Variants in FGF7 observed in about 807,000 individuals in gnomAD.
FGF7 encodes FGF-7.
A neutral mutation model predicts 20.5 loss-of-function variants in FGF7; 6 were observed. The ratio of observed to expected loss-of-function variants is 0.29; its 90% CI spans 0.16 to 0.58. The LOEUF is 0.58. FGF7 is among the 20% of genes least tolerant of loss of function. The pLI is 0.90. For synonymous variants in FGF7, 64 were observed against 74.7 expected, an observed-to-expected ratio of 0.86 and a Z score of 0.74; for missense variants, 144 against 228.8, an observed-to-expected ratio of 0.63 and a Z score of 2.39.
chr15:49,459,134 T>C (rs2053570247), intron 2 of FGF7, among the ~76,000 whole-genome samples: 1 of 152,208 alleles, frequency 6.6e-6, no homozygotes, highest in South Asian at 2.1e-4. Context: ...TTCAAAATGC[T>C]TTGAATCTTT....
intron 2 of FGF7, among the ~76,000 whole-genome samples, chr15:49,474,827 G>A (rs1195974473): frequency 6.6e-6 from 1 of 152,066 alleles, no homozygotes; most frequent in Non-Finnish European, 1.5e-5. Context: ...TGCTCCGTAC[G>A]AAAATCTCAC....
At chr15:49,429,695 C>T (rs1380116846) in intron 2 of FGF7, among the ~76,000 whole-genome samples, 1 of 151,856 alleles carries the variant, frequency 6.6e-6, no homozygotes, top group East Asian at 1.9e-4. Flanking sequence ...TTTCCACCCA[C>T]AAAAAATTTT....
At chr15:49,478,694 T>A (rs896117659) in intron 2 of FGF7, among the ~76,000 whole-genome samples, 14 of 152,178 alleles carry the variant, frequency 9.2e-5, no homozygotes, top group African/African-American at 3.4e-4. Context: ...TATTTAGTTA[T>A]CATGCTAGCA....
At chr15:49,474,861 A>G (rs902508899) in intron 2 of FGF7, among the ~76,000 whole-genome samples, 7 of 152,132 alleles carry the variant, frequency 4.6e-5, no homozygotes, top group Non-Finnish European at 7.4e-5. Context: ...TTTGAAGTGG[A>G]ACAGTTTCAT....
chr15:49,465,896 G>C (rs1204304440), intron 2 of FGF7, among the ~76,000 whole-genome samples: 1 of 152,012 alleles, frequency 6.6e-6, no homozygotes, highest in East Asian at 1.9e-4. Flanking sequence ...ACTTAATATG[G>C]TGTTTTTGTC....
chr15:49,470,245 T>TAACGCTGGG (rs138845822), intron 2 of FGF7, among the ~76,000 whole-genome samples: 3 of 151,548 alleles, frequency 2.0e-5, no homozygotes, highest in Admixed American at 1.3e-4. Context: ...TATAATTCTT[T>TAACGCTGGG]AACACTGGGA....
At chr15:49,455,569 G>A (rs1024790845) in intron 2 of FGF7, among the ~76,000 whole-genome samples, 5 of 152,046 alleles carry the variant, frequency 3.3e-5, no homozygotes, top group East Asian at 1.9e-4. Flanking sequence ...TAGGTCCATC[G>A]TCAGTTATAA....
intron 2 of FGF7, among the ~76,000 whole-genome samples, chr15:49,461,830 T>G (rs2053824326): frequency 6.6e-6 from 1 of 152,222 alleles, no homozygotes; most frequent in African/African-American, 2.4e-5. Flanking sequence ...AAGCTCTCTA[T>G]CTACATATGG....
Position 49,438,106 on chromosome 15 carries a change from C to A in FGF7, c.286+13523C>A, listed in dbSNP as rs567431531. Among the ~76,000 whole-genome samples, 30 of 151,456 alleles carry A rather than the reference C, an allele frequency of 2.0e-4. No homozygotes were observed. The South Asian group carries it at 6.0e-3, about 31-fold the overall frequency. Reference sequence around the variant, plus strand: ...TATGGGAATTAGTGTTTCAGGAGTACCAAGTTCAAGATAGGAAGTAGGAAG... The same window carrying A: ...TATGGGAATTAGTGTTTCAGGAGTAACAAGTTCAAGATAGGAAGTAGGAAG... On this transcript the variant is annotated intron_variant, in intron 2 of 3. Coordinates refer to ENST00000267843, the MANE Select transcript of FGF7 (RefSeq NM_002009.4).
At chr15:49,483,628 A>G (rs1412345655) in intron 3 of FGF7, among the ~76,000 whole-genome samples, 3 of 152,044 alleles carry the variant, frequency 2.0e-5, no homozygotes, top group South Asian at 4.1e-4. Context: ...AATTCTTGGG[A>G]AAAAATCTTG....
At chr15:49,459,572 CTT>C (rs1032305025) in intron 2 of FGF7, among the ~76,000 whole-genome samples, 9 of 152,034 alleles carry the variant, frequency 5.9e-5, no homozygotes, top group African/African-American at 7.2e-5. Context: ...TTAAAGTCCT[CTT>C]GTTTTATCTC....
intron 2 of FGF7, among the ~76,000 whole-genome samples, chr15:49,469,924 C>G (rs1043733256): frequency 2.0e-5 from 3 of 152,082 alleles, no homozygotes; most frequent in African/African-American, 7.2e-5. Flanking sequence ...AAATCCACAT[C>G]AAACCAAAGA....
intron 2 of FGF7, among the ~76,000 whole-genome samples, chr15:49,445,697 T>G (rs1035282632): frequency 1.3e-5 from 2 of 151,558 alleles, no homozygotes; most frequent in Non-Finnish European, 3.0e-5. Flanking sequence ...GAAAAGTATA[T>G]GATCCATCAA....
chr15:49,465,233 G>A (rs951740646), intron 2 of FGF7, among the ~76,000 whole-genome samples: 6 of 151,746 alleles, frequency 4.0e-5, no homozygotes, highest in South Asian at 2.1e-4. Flanking sequence ...AGGTTAAAGC[G>A]ATTCTCCTGC....
chr15:49,476,983 C>A (rs2151991704), intron 2 of FGF7, among the ~76,000 whole-genome samples: 1 of 151,456 alleles, frequency 6.6e-6, no homozygotes, highest in Middle Eastern at 3.4e-3. Flanking sequence ...TGGTGCAAAC[C>A]TGGGAGGCGG....
chr15:49,482,557 C>T (rs12437460), intron 2 of FGF7, among the ~76,000 whole-genome samples: 49,278 of 151,628 alleles, frequency 0.32, 8,721 homozygotes, highest in African/African-American at 0.45. Context: ...TATTCAAGAG[C>T]TATTCTGTTG....
In FGF7 at chr15:49,485,332, A is replaced by G. The variant is rs1371766516; in HGVS notation, c.*828A>G. ...TTCAAGTAACATAATCTATCTTTGT[A>G]TAATTCATATTTGGGAATATGGCTT... is the stretch of plus-strand genomic sequence containing the variant. On this transcript the variant is annotated 3_prime_UTR_variant, in exon 4 of 4. Transcript: ENST00000267843. 2.0e-5 allele frequency: 3 copies of G among 152,438 alleles called. No individual in the cohort carries two copies. Among genetic ancestry groups the G allele is most frequent in the Non-Finnish European group, 4.4e-5 (3 of 67,958 alleles). 9.4% of individuals were successfully genotyped at this position (152,438 alleles called of 1,614,324 possible).
intron 2 of FGF7, among the ~76,000 whole-genome samples, chr15:49,475,094 G>T (rs1326141906): frequency 6.6e-6 from 1 of 152,016 alleles, no homozygotes; most frequent in South Asian, 2.1e-4. Flanking sequence ...CTATAGAATT[G>T]GTTACACAAA....
Position 49,424,537 on chromosome 15 carries a change from T to C in FGF7, c.240T>C (p.Asp80=), listed in dbSNP as rs774091678. The C allele has an allele frequency of 1.0e-5, 16 of 1,606,858 alleles. No homozygotes were observed. The highest frequency in any genetic ancestry group is 1.4e-5 in the Non-Finnish European group (16 of 1,175,302). Residue 80 remains aspartate, a synonymous_variant, in exon 2 of 4, where the codon GAT becomes GAC. Coordinates refer to ENST00000267843, the MANE Select transcript of FGF7 (RefSeq NM_002009.4). ...GAACACAGTGGTACCTGAGGATCGA[T>C]AAAAGAGGCAAAGTAAAAGGGACCC... The part of the protein sequence containing the change: ...FCRTQWYLRI[D]KRGKVKGTQE...
Sources: gnomAD v4.1 joint callset for allele counts (sites outside exome capture counted in the v4.1 genomes callset) on GRCh38, gnomAD v4.1.1 for gene constraint, MANE v1.5 for transcripts, NCBI Gene and HGNC (gene_info 2026-07-23, HGNC 2026-07-21) for gene names.